Variants in RAB27B observed in about 807,000 individuals in gnomAD.
RAB27B encodes the protein ras-related protein Rab-27B.
A neutral mutation model predicts 24.6 loss-of-function variants in RAB27B; 15 were observed. That is an observed-to-expected ratio of 0.61 (90% CI 0.41 to 0.94). The LOEUF (loss-of-function observed/expected upper bound fraction) is 0.94. Among genes scored for constraint, RAB27B ranks in the 40% least tolerant of loss-of-function variants. The probability of loss-of-function intolerance (pLI) is 0.00; values close to 1 mark genes in which losing one functional copy is unlikely to be tolerated. For missense variants in RAB27B, 261 were observed against 266.8 expected (o/e 0.98, Z 0.15); for synonymous variants, 105 against 92.5 (o/e 1.14, Z -0.78).
intron 2 of RAB27B, chr18:54,718,275 T>A (rs1168205294): frequency 6.6e-6 from 1 of 151,794 alleles, no homozygotes; most frequent in Non-Finnish European, 1.5e-5. Flanking sequence ...TGCAACTAGA[T>A]GGTGACAGAA....
intron 1 of RAB27B, among the ~76,000 whole-genome samples, chr18:54,857,692 GCATT>G (rs1436930193): frequency 9.2e-5 from 14 of 152,158 alleles, no homozygotes; most frequent in Admixed American, 2.0e-4. Context: ...TCATGTGTGT[GCATT>G]CATGTGTGCA....
intron 2 of RAB27B, among the ~76,000 whole-genome samples, chr18:54,804,574 A>G (rs900638468): frequency 3.9e-5 from 6 of 152,202 alleles, no homozygotes; most frequent in African/African-American, 1.4e-4. Flanking sequence ...AAAACAGACT[A>G]ATTCAATTGG....
At chr18:54,849,927 A>G (rs1911491872) in intron 1 of RAB27B, among the ~76,000 whole-genome samples, 1 of 152,136 alleles carries the variant, frequency 6.6e-6, no homozygotes, top group Non-Finnish European at 1.5e-5. Context: ...ATATTTACTC[A>G]TACCTTTAAA....
chr18:54,829,153 T>TA (rs1299962546), intron 1 of RAB27B, among the ~76,000 whole-genome samples: 13 of 152,378 alleles, frequency 8.5e-5, no homozygotes, highest in African/African-American at 2.4e-4. Flanking sequence ...CTTCCTTAGA[T>TA]GAAATAGCCA....
chr18:54,858,581 G>T (rs148590236), intron 1 of RAB27B, among the ~76,000 whole-genome samples: 1 of 151,898 alleles, frequency 6.6e-6, no homozygotes, highest in Non-Finnish European at 1.5e-5. Context: ...TTTTAGTAGA[G>T]ACGGGTTTCA....
chr18:54,839,052 A>G (rs1341504317), intron 1 of RAB27B, among the ~76,000 whole-genome samples: 1 of 152,168 alleles, frequency 6.6e-6, no homozygotes, highest in South Asian at 2.1e-4. Context: ...GCTGGAAAAG[A>G]AGTCCTCCTA....
At chr18:54,846,307 T>C (rs1454783266) in intron 1 of RAB27B, among the ~76,000 whole-genome samples, 2 of 152,268 alleles carry the variant, frequency 1.3e-5, no homozygotes, top group Non-Finnish European at 2.9e-5. Context: ...TTTTGCTCAG[T>C]TGATGAAAAT....
chr18:54,890,209 G>A lies in RAB27B; in HGVS notation c.*796G>A, dbSNP rs540745075. The A allele has an allele frequency of 3.2e-4, 49 of 152,208 alleles. No homozygotes were observed. Among genetic ancestry groups the A allele is most frequent in the African/African-American group, 1.2e-3 (49 of 41,550 alleles). 9.4% of individuals were successfully genotyped at this position (152,208 alleles called of 1,614,324 possible). ...GGTTACTTAGCCAAATTTTACTCAAGCCAATTAGGAGCTGATATTATCAGT... is the reference window on the plus strand; with the variant it reads ...GGTTACTTAGCCAAATTTTACTCAAACCAATTAGGAGCTGATATTATCAGT... On this transcript the variant is annotated 3_prime_UTR_variant, in exon 6 of 6. Transcript: ENST00000262094.
intron 1 of RAB27B, among the ~76,000 whole-genome samples, chr18:54,852,102 T>TA (rs1911611212): frequency 6.6e-6 from 1 of 152,182 alleles, no homozygotes; most frequent in Admixed American, 6.5e-5. Flanking sequence ...GAAATGTTAT[T>TA]AATGAGTTTT....
chr18:54,743,655 G>A (rs1276302805), intron 2 of RAB27B, among the ~76,000 whole-genome samples: 1 of 152,154 alleles, frequency 6.6e-6, no homozygotes. Flanking sequence ...ATTCCAGGAA[G>A]AGCAAGAAGG....
intron 2 of RAB27B, among the ~76,000 whole-genome samples, chr18:54,727,858 T>C (rs1468558642): frequency 6.6e-6 from 1 of 152,212 alleles, no homozygotes; most frequent in Non-Finnish European, 1.5e-5. Context: ...GGTGCTCCTT[T>C]ATTTTATATA....
At chr18:54,807,117 T>C (rs987743554) in intron 2 of RAB27B, among the ~76,000 whole-genome samples, 3 of 152,150 alleles carry the variant, frequency 2.0e-5, no homozygotes, top group Non-Finnish European at 4.4e-5. Context: ...GCTAGGATGG[T>C]CTCAATCTCT....
chr18:54,738,009 A>G (rs928842993), intron 2 of RAB27B, among the ~76,000 whole-genome samples: 1 of 152,132 alleles, frequency 6.6e-6, no homozygotes, highest in African/African-American at 2.4e-5. Context: ...AATATATGCT[A>G]CCTGCTGAAT....
intron 1 of RAB27B, among the ~76,000 whole-genome samples, chr18:54,863,674 C>T (rs1318085268): frequency 6.6e-6 from 1 of 152,158 alleles, no homozygotes; most frequent in Non-Finnish European, 1.5e-5. Flanking sequence ...TTCCCCAATC[C>T]TCCTCTCACC....
intron 2 of RAB27B, among the ~76,000 whole-genome samples, chr18:54,765,940 T>C (rs1346671768): frequency 6.6e-6 from 1 of 152,180 alleles, no homozygotes; most frequent in African/African-American, 2.4e-5. Flanking sequence ...GTTTGGGAAA[T>C]TATGAGTTAA....
At chr18:54,807,216 G>T (rs1003922675) in intron 2 of RAB27B, among the ~76,000 whole-genome samples, 7 of 152,308 alleles carry the variant, frequency 4.6e-5, no homozygotes, top group Middle Eastern at 3.4e-3. Flanking sequence ...ATTTTGAAAT[G>T]CAGAACCGCT....
chr18:54,751,754 C>T (rs754067389), intron 2 of RAB27B, among the ~76,000 whole-genome samples: 8 of 152,052 alleles, frequency 5.3e-5, no homozygotes, highest in East Asian at 1.9e-4. Flanking sequence ...ATAGGGAAAT[C>T]GATGAAGCAT....
At chr18:54,858,508 C>T (rs980835492) in intron 1 of RAB27B, among the ~76,000 whole-genome samples, 16 of 151,438 alleles carry the variant, frequency 1.1e-4, no homozygotes, top group African/African-American at 3.6e-4. Context: ...CTCAGCCTCC[C>T]GAGTAGCTGG....
chr18:54,870,431 A>C (rs931102240), intron 1 of RAB27B, among the ~76,000 whole-genome samples: 10 of 152,156 alleles, frequency 6.6e-5, no homozygotes, highest in African/African-American at 2.2e-4. Context: ...ACACTAAAAA[A>C]ATTTTCAATT....
Sources: allele counts gnomAD v4.1 joint callset (sites outside exome capture counted in the v4.1 genomes callset), GRCh38; gene constraint gnomAD v4.1.1; transcripts MANE v1.5; gene names NCBI Gene and HGNC (gene_info 2026-07-23, HGNC 2026-07-21).